PACS2: variants seen among roughly 807,000 people sequenced by gnomAD.
PACS2 encodes PACS1-like protein.
A neutral mutation model predicts 113.0 loss-of-function variants in PACS2; 36 were observed. The ratio of observed to expected loss-of-function variants is 0.32; its 90% CI spans 0.24 to 0.42. The LOEUF (loss-of-function observed/expected upper bound fraction) is 0.42. Among genes scored for constraint, PACS2 ranks in the 10% least tolerant of loss-of-function variants. The pLI, the probability that PACS2 is intolerant of heterozygous loss-of-function variation, is 1.00. For missense variants in PACS2, 1,015 were observed against 1,239.5 expected (o/e 0.82, Z 2.72); for synonymous variants, 589 against 536.1 (o/e 1.10, Z -1.36).
intron 9 of PACS2, among the ~76,000 whole-genome samples, chr14:105,379,043 G>C (rs587698614): frequency 6.6e-6 from 1 of 151,326 alleles, no homozygotes; most frequent in African/African-American, 2.4e-5. Flanking sequence ...TGGTCGGGAA[G>C]GGCCTGGGTG....
chr14:105,310,142 C>G (rs1318793854), upstream of PACS2, among the ~76,000 whole-genome samples: 3 of 151,938 alleles, frequency 2.0e-5, no homozygotes, highest in African/African-American at 7.3e-5. Flanking sequence ...CTCACTTATT[C>G]TTTTGTGAAT....
At position 105,394,662 on chromosome 14, in the gene PACS2, C is replaced by T. The variant is rs782587138; in HGVS notation, c.2705C>T (p.Ala902Val). Residue 902 changes from alanine to valine, a missense_variant, in exon 25 of 25, where the codon GCC becomes GTC. Physicochemically the swap from Ala to Val is moderately conservative, Grantham distance 64. This residue lies in a region of PACS2 where 859 missense variants were observed against 1,056.8 expected (regional missense o/e 0.81). Coordinates refer to ENST00000447393, the MANE Select transcript of PACS2 (RefSeq NM_001100913.3). Reference protein sequence around the residue: ...FPICIFGHSKATF With the variant: ...FPICIFGHSKVTF ...ATCTGCATCTTCGGACACTCCAAGG[C>T]CACCTTCTAGCCCCACCCACCAGGG... 6.2e-7 allele frequency: 1 copy of T among 1,609,402 alleles called. No homozygotes were observed. The highest frequency in any genetic ancestry group is 8.5e-7 in the Non-Finnish European group (1 of 1,176,370).
chr14:105,341,850 G>C (rs912286741), intron 1 of PACS2, among the ~76,000 whole-genome samples: 1 of 152,250 alleles, frequency 6.6e-6, no homozygotes, highest in Non-Finnish European at 1.5e-5. Context: ...CCCTGGGCAG[G>C]ATCTGTCTGC....
intron 1 of PACS2, among the ~76,000 whole-genome samples, chr14:105,346,759 G>A (rs1171507162): frequency 4.8e-3 from 4 of 832 alleles, no homozygotes; most frequent in Admixed American, 0.019. Flanking sequence ...CCACCCCCAC[G>A]CGCATGACTT....
intron 4 of PACS2, among the ~76,000 whole-genome samples, chr14:105,359,585 T>G (rs868975781): frequency 2.0e-5 from 3 of 147,202 alleles, no homozygotes; most frequent in Non-Finnish European, 4.4e-5. Context: ...TGGTATTTCT[T>G]TCTTTTTTTT....
At chr14:105,381,467 C>G (rs2080992155) in intron 12 of PACS2, among the ~76,000 whole-genome samples, 1 of 152,248 alleles carries the variant, frequency 6.6e-6, no homozygotes, top group Non-Finnish European at 1.5e-5. Flanking sequence ...GGACTTTTTC[C>G]AAAGCAGCGA....
In PACS2 at chr14:105,382,897, T is replaced by G; in HGVS notation, c.1609T>G (p.Ser537Ala). 2 of 1,601,018 alleles carry G rather than the reference T, an allele frequency of 1.2e-6. No individual in the cohort carries two copies. Among genetic ancestry groups the G allele is most frequent in the Non-Finnish European group, 1.7e-6 (2 of 1,174,258 alleles). Residue 537 changes from serine to alanine, a missense_variant, in exon 15 of 25, where the codon TCA becomes GCA. Ser to Ala is a moderately conservative substitution (Grantham distance 99). Around this residue, in one of 3 missense-constraint regions of PACS2, gnomAD observed 859 missense variants for 1,056.8 expected, o/e 0.81. Coordinates refer to ENST00000447393, the MANE Select transcript of PACS2 (RefSeq NM_001100913.3). ...DVQAAFSTIV[S>A]RIQRYCNCNS... ...CCAGGCGGCCTTCAGCACCATCGTC[T>G]CACGGATACAGAGATAGTGAGTTGG...
At chr14:105,368,041 C>T (rs367804374) in intron 5 of PACS2, 33 bp from the exon 6 acceptor site, 200 of 1,469,306 alleles carry the variant, frequency 1.4e-4, no homozygotes, top group Admixed American at 1.1e-3. Context: ...TGGAATCTCA[C>T]GGCACCCTCC....
At chr14:105,318,447 AT>A (rs903004500) in intron 1 of PACS2, among the ~76,000 whole-genome samples, 4 of 151,758 alleles carry the variant, frequency 2.6e-5, no homozygotes, top group African/African-American at 9.7e-5. Flanking sequence ...TGTCTGTCTA[AT>A]TTTTTTGTTT....
At chr14:105,385,026 G>T (rs781992170) in intron 18 of PACS2, 39 bp downstream of exon 18, 2 of 1,290,800 alleles carry the variant, frequency 1.5e-6, no homozygotes, top group South Asian at 2.5e-5. Flanking sequence ...ACAGGCTGCC[G>T]CCAGCCACCA....
chr14:105,309,831 G>A (rs1407357478), upstream of PACS2, among the ~76,000 whole-genome samples: 2 of 145,314 alleles, frequency 1.4e-5, no homozygotes, highest in Non-Finnish European at 3.0e-5. This position sits in a 1 kb window ranked among gnomAD's most constrained non-coding sequence, Gnocchi z 4.0. Context: ...TCTTGCCCAG[G>A]CAGGAGTGCA....
chr14:105,364,358 C>T lies in PACS2; in HGVS notation c.424-2855C>T, dbSNP rs111572061. 4.8e-3 allele frequency among the ~76,000 whole-genome samples: 553 copies of T among 115,550 alleles called. 13 individuals are homozygous for T. Among genetic ancestry groups the T allele is most frequent in the African/African-American group, 0.025 (522 of 21,190 alleles). 75.8% of individuals were successfully genotyped at this position (115,550 alleles called of 152,430 possible). On this transcript the variant is annotated intron_variant, in intron 4 of 24. Transcript: ENST00000447393. ...CCCGGGGGTGTGGTGGGCGGTGTCC[C>T]GGGTGCACGGTGGGCGTCCCGGGTG...
At chr14:105,346,315 C>G (rs890961023) in intron 1 of PACS2, among the ~76,000 whole-genome samples, 1 of 152,078 alleles carries the variant, frequency 6.6e-6, no homozygotes, top group Non-Finnish European at 1.5e-5. Flanking sequence ...TACACTGACC[C>G]GATCTTGTTT....
intron 3 of PACS2, 110 bp downstream of exon 3, chr14:105,352,577 G>T: frequency 4.8e-6 from 3 of 622,818 alleles, no homozygotes; most frequent in Non-Finnish European, 5.8e-6. Context: ...ACTGTCCCCT[G>T]GGGTGATGGG....
intron 1 of PACS2, among the ~76,000 whole-genome samples, chr14:105,345,183 G>A (rs184467923): frequency 3.5e-4 from 53 of 152,172 alleles, no homozygotes; most frequent in Non-Finnish European, 6.3e-4. Context: ...CAAGGCAGGC[G>A]GATCACGAGG....
intron 1 of PACS2, among the ~76,000 whole-genome samples, chr14:105,331,740 G>C (rs1272358500): frequency 6.6e-6 from 1 of 152,238 alleles, no homozygotes; most frequent in Non-Finnish European, 1.5e-5. Context: ...AAACAGCAAT[G>C]CCTTTGATGA....
intron 1 of PACS2, among the ~76,000 whole-genome samples, chr14:105,321,860 T>G (rs1408050355): frequency 1.3e-5 from 2 of 152,144 alleles, no homozygotes; most frequent in African/African-American, 4.8e-5. Flanking sequence ...TTTAAAAACC[T>G]TTGTATATCC....
intron 1 of PACS2, among the ~76,000 whole-genome samples, chr14:105,319,104 C>T (rs587612876): frequency 6.6e-6 from 1 of 152,132 alleles, no homozygotes; most frequent in South Asian, 2.1e-4. Flanking sequence ...TGCACCACCA[C>T]GCCCAGCTAA....
At chr14:105,392,530 G>A in intron 22 of PACS2, 89 bp from the exon 23 acceptor site, 1 of 1,198,888 alleles carries the variant, frequency 8.3e-7, no homozygotes, top group Non-Finnish European at 1.2e-6. Flanking sequence ...GGTGCTGGCT[G>A]TCACCTCCTG....
Sources: gnomAD v4.1 joint callset for allele counts (sites outside exome capture counted in the v4.1 genomes callset) on GRCh38, gnomAD v4.1.1 for gene constraint, gnomAD v4.1.1 regional missense constraint, Gnocchi (gnomAD v3.1) non-coding constraint, MANE v1.5 for transcripts, NCBI Gene and HGNC (gene_info 2026-07-23, HGNC 2026-07-21) for gene names.